Variants in FCHO2 observed in about 807,000 individuals in gnomAD.
The protein encoded by FCHO2 is F-BAR domain only protein 2.
FCHO2 carries 43 observed loss-of-function variants against 114.1 expected under a neutral mutation model. The ratio of observed to expected loss-of-function variants is 0.38; its 90% CI spans 0.30 to 0.49. The LOEUF (loss-of-function observed/expected upper bound fraction) is 0.49, where lower values mean the gene tolerates loss of function less well. FCHO2 is among the 20% of genes least tolerant of loss of function. The pLI, the probability that FCHO2 is intolerant of heterozygous loss-of-function variation, is 0.97. For synonymous variants in FCHO2, 293 were observed against 315.2 expected, an observed-to-expected ratio of 0.93 and a Z score of 0.75; for missense variants, 807 against 950.4, an observed-to-expected ratio of 0.85 and a Z score of 1.98.
chr5:72,975,792 A>G (rs1272005727), intron 2 of FCHO2, among the ~76,000 whole-genome samples: 1 of 152,178 alleles, frequency 6.6e-6, no homozygotes, highest in African/African-American at 2.4e-5. Flanking sequence ...GGCATGAGCC[A>G]CTGTGCCTGG....
At chr5:73,018,585 G>A (rs1032488575) in intron 8 of FCHO2, among the ~76,000 whole-genome samples, 2 of 151,518 alleles carry the variant, frequency 1.3e-5, no homozygotes, top group African/African-American at 4.8e-5. Context: ...GAACAATAAG[G>A]CACAACCGTG....
intron 8 of FCHO2, among the ~76,000 whole-genome samples, chr5:73,030,402 T>C (rs1756175397): frequency 6.6e-6 from 1 of 152,236 alleles, no homozygotes; most frequent in Non-Finnish European, 1.5e-5. Context: ...CCTCAGCTGA[T>C]TGTAACTAGC....
At chr5:73,080,005 A>T (rs889612492) in intron 22 of FCHO2, among the ~76,000 whole-genome samples, 1 of 152,216 alleles carries the variant, frequency 6.6e-6, no homozygotes, top group Non-Finnish European at 1.5e-5. Context: ...GAAGAGAATG[A>T]GATATTTGAT....
At position 73,078,321 on chromosome 5, in the gene FCHO2, C is replaced by A; in HGVS notation, c.1980+9C>A. 1 of 1,577,204 alleles carries A rather than the reference C, an allele frequency of 6.3e-7. No homozygotes were observed. Among genetic ancestry groups the A allele is most frequent in the South Asian group, 1.2e-5 (1 of 82,128 alleles). On this transcript the variant is annotated intron_variant, in intron 22 of 25. Transcript: ENST00000430046. ...ATGTATTAAAGTATCAGGTGAGTGT[C>A]ACGACATTGCAAAAATTCTAAATTA... is the stretch of plus-strand genomic sequence containing the variant.
At chr5:73,053,141 A>G (rs1022806490) in intron 13 of FCHO2, among the ~76,000 whole-genome samples, 1 of 152,236 alleles carries the variant, frequency 6.6e-6, no homozygotes, top group Admixed American at 6.5e-5. Context: ...ATATGTGATC[A>G]TCATGATTGA....
chr5:72,998,062 A>G (rs1047804144), intron 5 of FCHO2, among the ~76,000 whole-genome samples: 27 of 152,022 alleles, frequency 1.8e-4, no homozygotes, highest in African/African-American at 6.5e-4. Flanking sequence ...AAAAAATGCT[A>G]TTTATATACA....
chr5:73,065,370 A>T (rs1440734832), intron 18 of FCHO2, among the ~76,000 whole-genome samples: 1 of 152,038 alleles, frequency 6.6e-6, no homozygotes, highest in African/African-American at 2.4e-5. Context: ...AAGGAAAATT[A>T]TAAATTTCCT....
intron 5 of FCHO2, chr5:72,997,086 T>G: frequency 8.1e-7 from 1 of 1,234,326 alleles, no homozygotes; most frequent in Non-Finnish European, 1.2e-6. Context: ...ATCAGCTAGG[T>G]GAAGAGGAAG....
chr5:72,976,471 A>G (rs1038909916), intron 2 of FCHO2, among the ~76,000 whole-genome samples: 1 of 151,928 alleles, frequency 6.6e-6, no homozygotes, highest in Non-Finnish European at 1.5e-5. Flanking sequence ...AGTCTCCCAA[A>G]GCTCTGCGAT....
chr5:73,017,827 AT>A (rs1428909615), intron 8 of FCHO2, among the ~76,000 whole-genome samples: 1 of 152,084 alleles, frequency 6.6e-6, no homozygotes, highest in Non-Finnish European at 1.5e-5. Flanking sequence ...CATTCTAGAA[AT>A]TTGGGGATAC....
chr5:73,073,968 A>G (rs1742794870), intron 19 of FCHO2, among the ~76,000 whole-genome samples: 1 of 152,134 alleles, frequency 6.6e-6, no homozygotes, highest in South Asian at 2.1e-4. Context: ...CAGTAGCAGT[A>G]AGGCACGCAG....
intron 5 of FCHO2, among the ~76,000 whole-genome samples, chr5:72,992,452 G>T (rs1237589316): frequency 6.6e-6 from 1 of 152,074 alleles, no homozygotes; most frequent in Non-Finnish European, 1.5e-5. Flanking sequence ...ATCCAAAATG[G>T]CACGTAGAGA....
intron 5 of FCHO2, chr5:72,997,075 A>T: frequency 1.6e-6 from 2 of 1,265,372 alleles, no homozygotes; most frequent in Non-Finnish European, 2.3e-6. Flanking sequence ...CTTGTCCTGG[A>T]ATCAGCTAGG....
chr5:73,023,681 CAA>C (rs1466928383), intron 8 of FCHO2, among the ~76,000 whole-genome samples: 1 of 147,404 alleles, frequency 6.8e-6, no homozygotes, highest in African/African-American at 2.5e-5. Flanking sequence ...GCCTAGGCAA[CAA>C]GAGCGAAACT....
Position 72,995,126 on chromosome 5 carries a change from A to G in FCHO2, c.495+4262A>G, listed in dbSNP as rs565617905. 1.5e-3 allele frequency among the ~76,000 whole-genome samples: 233 copies of G among 152,332 alleles called. 3 individuals carry two copies. The highest frequency in any genetic ancestry group is 0.015 in the Admixed American group (230 of 15,300). On this transcript the variant is annotated intron_variant, in intron 5 of 25. Coordinates refer to ENST00000430046, the MANE Select transcript of FCHO2 (RefSeq NM_138782.3). ...CCCTGAACCTAAAATAAAAGTTAAA[A>G]AAGGAAATGCTTTGTCAGTAAACAG... is the stretch of plus-strand genomic sequence containing the variant.
At chr5:73,083,245 T>G (rs958807530) in intron 24 of FCHO2, among the ~76,000 whole-genome samples, 1 of 152,112 alleles carries the variant, frequency 6.6e-6, no homozygotes, top group Admixed American at 6.6e-5. Context: ...TATGTAAAGT[T>G]TCCTCCTGGA....
chr5:73,007,150 C>G (rs1194805769), intron 6 of FCHO2, among the ~76,000 whole-genome samples: 1 of 152,076 alleles, frequency 6.6e-6, no homozygotes, highest in Non-Finnish European at 1.5e-5. Context: ...AATTTTATTC[C>G]TGTATCATTC....
chr5:73,030,954 G>GGA (rs138287753), intron 8 of FCHO2, among the ~76,000 whole-genome samples: 1 of 152,094 alleles, frequency 6.6e-6, no homozygotes, highest in Admixed American at 6.5e-5. Context: ...AAGGCTATGT[G>GGA]GAGAGAGAGA....
chr5:72,999,378 C>CTTTT (rs762347449), intron 5 of FCHO2, among the ~76,000 whole-genome samples: 3 of 100,560 alleles, frequency 3.0e-5, no homozygotes, highest in Non-Finnish European at 5.6e-5. Context: ...ATTCACAGGC[C>CTTTT]TTTTTTTTTT....
Sources: gnomAD v4.1 joint callset for allele counts (sites outside exome capture counted in the v4.1 genomes callset) on GRCh38, gnomAD v4.1.1 for gene constraint, MANE v1.5 for transcripts, NCBI Gene and HGNC (gene_info 2026-07-23, HGNC 2026-07-21) for gene names.